ANKRD27: variants seen among roughly 807,000 people sequenced by gnomAD.
ANKRD27 encodes ankyrin repeat domain 27.
Under a neutral mutation model 129.7 loss-of-function variants are expected in ANKRD27, and 112 were observed. The observed-to-expected ratio is 0.86, with a 90% CI of 0.74 to 1.01. The LOEUF is 1.01. Ranked by LOEUF, ANKRD27 falls within the 50% of genes least tolerant of loss-of-function variation. The pLI, the probability that ANKRD27 is intolerant of heterozygous loss-of-function variation, is 0.00. For missense variants in ANKRD27, 1,258 were observed against 1,300.5 expected (o/e 0.97, Z 0.50); for synonymous variants, 516 against 511.2 (o/e 1.01, Z -0.13).
At chr19:32,600,740 C>T (rs945396693) in intron 26 of ANKRD27, among the ~76,000 whole-genome samples, 3 of 152,022 alleles carry the variant, frequency 2.0e-5, no homozygotes, top group African/African-American at 7.2e-5. Flanking sequence ...AAAATAAAAC[C>T]TTAACTCCCT....
chr19:32,667,286 A>G (rs1967778475), intron 1 of ANKRD27, among the ~76,000 whole-genome samples: 1 of 152,266 alleles, frequency 6.6e-6, no homozygotes, highest in South Asian at 2.1e-4. Flanking sequence ...AATTTTGCCC[A>G]ACAATTACAC....
rs57501206 is a variant in ANKRD27, at chr19:32,597,110, CCCTTCCTT to C, written c.*1027_*1034del. The C allele has an allele frequency of 1.3e-5, 2 of 152,360 alleles. No individual in the cohort carries two copies. Among genetic ancestry groups the C allele is most frequent in the Non-Finnish European group, 2.9e-5 (2 of 67,980 alleles). 9.4% of individuals were successfully genotyped at this position (152,360 alleles called of 1,614,324 possible). A position where few individuals can be genotyped will look rare whatever the true frequency, so the allele number is the denominator to read the frequency against. On this transcript the variant is annotated 3_prime_UTR_variant, in exon 29 of 29. Coordinates refer to ENST00000306065, the MANE Select transcript of ANKRD27 (RefSeq NM_032139.3). ...ATTACTTTGTAGAAAAATAATCCCT[CCCTTCCTT>C]CTGTACATACACAAGTATTTCCAAG...
intron 20 of ANKRD27, 41 bp downstream of exon 20, chr19:32,619,219 C>T: frequency 6.3e-7 from 1 of 1,592,566 alleles, no homozygotes. Context: ...CCCAGGGCCG[C>T]CAAGGCCTCC....
intron 17 of ANKRD27, 129 bp downstream of exon 17, chr19:32,625,745 T>A (rs536846039): frequency 2.6e-6 from 2 of 779,886 alleles, no homozygotes; most frequent in Non-Finnish European, 3.8e-6. Flanking sequence ...CATTCTTTCA[T>A]ATTAAAAAAA....
chr19:32,672,940 C>T (rs1006395344), intron 1 of ANKRD27: 67 of 152,322 alleles, frequency 4.4e-4, no homozygotes, highest in African/African-American at 1.6e-3. Flanking sequence ...GGTCACATTC[C>T]TCCACTCCTC....
rs1971590557 is a variant in ANKRD27 at position 32,597,716 on chromosome 19, T to C, written c.*429A>G. 1.1e-5 allele frequency: 2 copies of C among 182,218 alleles called. No individual in the cohort carries two copies. Among genetic ancestry groups the C allele is most frequent in the Non-Finnish European group, 2.4e-5 (2 of 84,366 alleles). The allele number at this position is 182,218 out of a possible 1,614,324, so 11.3% of individuals were successfully genotyped here. Reference sequence around the variant, plus strand: ...TACAGTACCATGAAACCTAAATTACTTACTTCTCTCCAGCTTAATCCTAGG... The same window carrying C: ...TACAGTACCATGAAACCTAAATTACCTACTTCTCTCCAGCTTAATCCTAGG... On this transcript the variant is annotated 3_prime_UTR_variant, in exon 29 of 29. Coordinates refer to ENST00000306065, the MANE Select transcript of ANKRD27 (RefSeq NM_032139.3).
At chr19:32,614,662 C>A (rs1322690863) in intron 22 of ANKRD27, among the ~76,000 whole-genome samples, 1 of 151,084 alleles carries the variant, frequency 6.6e-6, no homozygotes, top group African/African-American at 2.4e-5. Context: ...CAAGATCGCC[C>A]GACAGAGCAA....
Position 32,615,681 on chromosome 19 carries a change from G to A in ANKRD27, c.2152C>T (p.Pro718Ser), listed in dbSNP as rs769744959. The A allele has an allele frequency of 6.2e-7, 1 of 1,614,180 alleles. No individual in the cohort carries two copies. Among genetic ancestry groups the A allele is most frequent in the Non-Finnish European group, 8.5e-7 (1 of 1,180,034 alleles). The change falls in exon 22 of 29, where the codon CCC becomes TCC. Residue 718 changes from proline (P) to serine (S), a missense_variant. Coordinates refer to ENST00000306065, the MANE Select transcript of ANKRD27 (RefSeq NM_032139.3). ...PEFCHPLCQC[P>S]KCAPAQKRLA... The stretch of plus-strand genomic sequence containing the variant: ...ACCTTCTGAGCTGGGGCACACTTGG[G>A]GCACTGGCACAACGGGTGACAGAAT...
intron 10 of ANKRD27, among the ~76,000 whole-genome samples, chr19:32,641,609 A>T (rs568068171): frequency 6.6e-6 from 1 of 152,088 alleles, no homozygotes; most frequent in Non-Finnish European, 1.5e-5. Context: ...TATCGTGGCT[A>T]AACAGCTATC....
chr19:32,640,219 T>G, intron 11 of ANKRD27, 88 bp downstream of exon 11: 3 of 1,047,578 alleles, frequency 2.9e-6, no homozygotes, highest in South Asian at 1.3e-5. Context: ...CGCCTTGGCC[T>G]CCCAAAGTGC....
At chr19:32,639,217 A>T in intron 12 of ANKRD27, 139 bp downstream of exon 12, 1 of 996,200 alleles carries the variant, frequency 1.0e-6, no homozygotes, top group Non-Finnish European at 1.5e-6. Flanking sequence ...GATTTTTAAG[A>T]CTCACAGCCC....
chr19:32,625,131 C>T (rs1972069760), intron 17 of ANKRD27, among the ~76,000 whole-genome samples: 1 of 151,498 alleles, frequency 6.6e-6, no homozygotes, highest in South Asian at 2.1e-4. Context: ...TGGCACACAC[C>T]TGTAATCCCA....
At chr19:32,659,994 T>C (rs1409606908) in intron 1 of ANKRD27, among the ~76,000 whole-genome samples, 1 of 152,228 alleles carries the variant, frequency 6.6e-6, no homozygotes, top group Non-Finnish European at 1.5e-5. Flanking sequence ...TATGGTGGCA[T>C]GTGCCCGTAG....
chr19:32,634,632 C>G (rs1457271240), intron 12 of ANKRD27, among the ~76,000 whole-genome samples: 1 of 152,134 alleles, frequency 6.6e-6, no homozygotes, highest in Non-Finnish European at 1.5e-5. Context: ...GGAGTGGACT[C>G]AGGCTGGGCG....
intron 22 of ANKRD27, among the ~76,000 whole-genome samples, chr19:32,615,280 G>C (rs936476375): frequency 1.4e-4 from 21 of 152,194 alleles, no homozygotes; most frequent in African/African-American, 5.1e-4. Flanking sequence ...GAACTTTCCT[G>C]AGGGAAAAAG....
At chr19:32,599,017 C>T (rs1971611361) in intron 28 of ANKRD27, among the ~76,000 whole-genome samples, 1 of 152,190 alleles carries the variant, frequency 6.6e-6, no homozygotes. Context: ...CGGTGGCTCA[C>T]ACTTGTAATC....
chr19:32,632,795 T>C (rs1967020256), intron 12 of ANKRD27, among the ~76,000 whole-genome samples: 1 of 152,012 alleles, frequency 6.6e-6, no homozygotes, highest in Admixed American at 6.6e-5. Flanking sequence ...CCTGACAAAT[T>C]TGTGGAATAA....
chr19:32,642,024 C>A lies in ANKRD27; in HGVS notation c.904G>T (p.Val302Leu). The change falls in exon 10 of 29, where the codon GTG becomes TTG. Residue 302 changes from valine to leucine, a missense_variant and splice_region_variant. Physicochemically the swap from Val to Leu is conservative, Grantham distance 32. Coordinates refer to ENST00000306065, the MANE Select transcript of ANKRD27 (RefSeq NM_032139.3). ...QLITQSPSQR[V>L]NLETMCADDL... ...GCCAGTCCCCTTTCCAAGCACAAACCTCTCTGGCTTGGAGACTGTGTAATG... is the reference window on the plus strand; with the variant it reads ...GCCAGTCCCCTTTCCAAGCACAAACATCTCTGGCTTGGAGACTGTGTAATG... 1.9e-6 allele frequency: 3 copies of A among 1,579,306 alleles called. No homozygotes were observed. Among genetic ancestry groups the A allele is most frequent in the Non-Finnish European group, 2.6e-6 (3 of 1,158,538 alleles).
At chr19:32,628,609 G>A in intron 14 of ANKRD27, 113 bp downstream of exon 14, 5 of 1,349,740 alleles carry the variant, frequency 3.7e-6, no homozygotes, top group Admixed American at 1.9e-5. Context: ...AGAGGCAGCT[G>A]GGGGGCAGGG....
Sources: gnomAD v4.1 joint callset for allele counts (sites outside exome capture counted in the v4.1 genomes callset) on GRCh38, gnomAD v4.1.1 for gene constraint, MANE v1.5 for transcripts, NCBI Gene and HGNC (gene_info 2026-07-23, HGNC 2026-07-21) for gene names.